The following EFHD1 variants were observed in gnomAD, a reference collection of about 807,000 sequenced individuals.
EFHD1 encodes the protein EF-hand domain family member D1.
EFHD1 carries 10 observed loss-of-function variants against 17.2 expected under a neutral mutation model. The ratio of observed to expected loss-of-function variants is 0.58; its 90% confidence interval spans 0.36 to 0.99. The LOEUF is 0.99. Ranked by LOEUF, EFHD1 falls within the 50% of genes least tolerant of loss-of-function variation. EFHD1 has a pLI of 0.01. For synonymous variants in EFHD1, 153 were observed against 142.0 expected (o/e 1.08, Z -0.55); for missense variants, 310 against 327.5 (o/e 0.95, Z 0.41).
intron 1 of EFHD1, among the ~76,000 whole-genome samples, chr2:232,661,313 G>T (rs184435457): frequency 1.4e-4 from 21 of 152,036 alleles, no homozygotes; most frequent in African/African-American, 5.1e-4. Context: ...TAACTCCCAT[G>T]CCCCTCTCTC....
At chr2:232,677,593 C>G (rs1215971298) in intron 3 of EFHD1, among the ~76,000 whole-genome samples, 4 of 151,988 alleles carry the variant, frequency 2.6e-5, no homozygotes, top group African/African-American at 9.7e-5. Flanking sequence ...TATGGCGGTG[C>G]ATGTCTGTAG....
chr2:232,659,735 T>TG (rs1253877989), intron 1 of EFHD1, among the ~76,000 whole-genome samples: 1 of 149,320 alleles, frequency 6.7e-6, no homozygotes, highest in Non-Finnish European at 1.5e-5. Context: ...AAGAAAAACC[T>TG]GAGACTAACT....
chr2:232,655,473 G>A (rs1257393213), intron 1 of EFHD1, among the ~76,000 whole-genome samples: 1 of 152,224 alleles, frequency 6.6e-6, no homozygotes, highest in Admixed American at 6.5e-5. Context: ...ATGAGTCTGT[G>A]TGCTCTGTTT....
At position 232,650,563 on chromosome 2, in the gene EFHD1, T is replaced by TGCAGGCGTGAGCCACCATGCCCAGCTGCC. The variant is rs1239884866; in HGVS notation, c.303-12239_303-12238insGCAGGCGTGAGCCACCATGCCCAGCTGCC. Among the ~76,000 whole-genome samples the TGCAGGCGTGAGCCACCATGCCCAGCTGCC allele has an allele frequency of 3.1e-3, 61 of 19,404 alleles. 14 individuals carry two copies. The highest frequency in any genetic ancestry group is 0.03 in the African/African-American group (46 of 1,556). 12.7% of individuals were successfully genotyped at this position (19,404 alleles called of 152,430 possible). ...CCCGCCTCGGCCTCCCAAAGTGCTT[T>TGCAGGCGTGAGCCACCATGCCCAGCTGCC]TTTTTTTTTTTTTTTTTTTTTTTGA... On this transcript the variant is annotated intron_variant, in intron 1 of 3. Transcript: ENST00000264059.
intron 1 of EFHD1, among the ~76,000 whole-genome samples, chr2:232,647,748 T>C (rs1253277680): frequency 6.6e-6 from 1 of 151,932 alleles, no homozygotes; most frequent in Non-Finnish European, 1.5e-5. Flanking sequence ...GTGATTCTCC[T>C]ACCTTAGCCT....
chr2:232,626,454 A>G (rs1323415423), intron 1 of EFHD1, among the ~76,000 whole-genome samples: 2 of 152,208 alleles, frequency 1.3e-5, no homozygotes, highest in Admixed American at 1.3e-4. Flanking sequence ...AAGCTGAGGC[A>G]TGAGAATTGC....
rs147136761 is a variant in EFHD1, at chr2:232,653,982, A to C, written c.303-8820A>C. ...AGCACTTTGGGAGACCGAGGCAGGC[A>C]GATCACCTGAGGTCAGGAGTTCGAG... On this transcript the variant is annotated intron_variant, in intron 1 of 3. Coordinates refer to ENST00000264059, the MANE Select transcript of EFHD1 (RefSeq NM_025202.4). 3.0e-3 allele frequency among the ~76,000 whole-genome samples: 449 copies of C among 152,180 alleles called. 4 individuals carry two copies. The East Asian group carries it at 0.036, about 12-fold the overall frequency.
intron 1 of EFHD1, among the ~76,000 whole-genome samples, chr2:232,642,949 A>G (rs1694459227): frequency 6.6e-6 from 1 of 152,192 alleles, no homozygotes; most frequent in African/African-American, 2.4e-5. Context: ...TGAATAAAGA[A>G]ATGGATCATC....
chr2:232,676,535 C>A (rs1318570250), intron 3 of EFHD1, among the ~76,000 whole-genome samples: 2 of 152,128 alleles, frequency 1.3e-5, no homozygotes, highest in East Asian at 3.9e-4. Flanking sequence ...GCTGGAATAT[C>A]ATTATCTCAG....
intron 1 of EFHD1, among the ~76,000 whole-genome samples, chr2:232,644,513 AT>A (rs201268146): frequency 3.1e-4 from 45 of 145,246 alleles, no homozygotes; most frequent in Admixed American, 1.8e-3. Context: ...TTTTTTTTCA[AT>A]TTTTTTTTTT....
chr2:232,668,845 G>A (rs1028684448), intron 2 of EFHD1, among the ~76,000 whole-genome samples: 2 of 152,020 alleles, frequency 1.3e-5, no homozygotes, highest in African/African-American at 2.4e-5. Context: ...TGTTGGTCAT[G>A]CTGGTCTCGA....
At chr2:232,666,457 G>A (rs958065120) in intron 2 of EFHD1, among the ~76,000 whole-genome samples, 3 of 152,226 alleles carry the variant, frequency 2.0e-5, no homozygotes, top group African/African-American at 7.2e-5. Flanking sequence ...GCTGTGGTGA[G>A]CTCTGGGAAC....
At chr2:232,662,433 CAG>C (rs915751308) in intron 1 of EFHD1, among the ~76,000 whole-genome samples, 4 of 152,108 alleles carry the variant, frequency 2.6e-5, no homozygotes, top group African/African-American at 9.7e-5. Flanking sequence ...TGCTGGGCGT[CAG>C]GGGCCAGCTC....
intron 2 of EFHD1, among the ~76,000 whole-genome samples, chr2:232,669,359 T>TG (rs1239381160): frequency 6.6e-6 from 1 of 152,210 alleles, no homozygotes; most frequent in Non-Finnish European, 1.5e-5. Flanking sequence ...CTGTGTCTCT[T>TG]GCTTTGTATT....
chr2:232,660,920 G>T (rs1447348429), intron 1 of EFHD1, among the ~76,000 whole-genome samples: 1 of 152,120 alleles, frequency 6.6e-6, no homozygotes, highest in East Asian at 1.9e-4. Flanking sequence ...AGAGGTCGCA[G>T]TGAGCCGAGA....
chr2:232,656,586 C>G (rs1694766534), intron 1 of EFHD1, among the ~76,000 whole-genome samples: 1 of 151,976 alleles, frequency 6.6e-6, no homozygotes, highest in Non-Finnish European at 1.5e-5. Flanking sequence ...CAGGCACATG[C>G]CACTATGCCT....
chr2:232,640,826 A>G (rs1347866293), intron 1 of EFHD1, among the ~76,000 whole-genome samples: 5 of 152,106 alleles, frequency 3.3e-5, no homozygotes, highest in African/African-American at 1.2e-4. Context: ...GCCAGGGAGG[A>G]GCAGCCACCA....
At chr2:232,634,439 G>A (rs992299579) in intron 1 of EFHD1, among the ~76,000 whole-genome samples, 3 of 152,266 alleles carry the variant, frequency 2.0e-5, no homozygotes, top group African/African-American at 7.2e-5. Flanking sequence ...TAAAACAAAA[G>A]GGGAAAGTTA....
At chr2:232,650,846 A>T (rs1209693979) in intron 1 of EFHD1, among the ~76,000 whole-genome samples, 1 of 151,830 alleles carries the variant, frequency 6.6e-6, no homozygotes, top group African/African-American at 2.4e-5. Flanking sequence ...TGGGATTACA[A>T]GTGTGAGCCA....
Sources: allele counts gnomAD v4.1 joint callset (sites outside exome capture counted in the v4.1 genomes callset), GRCh38; gene constraint gnomAD v4.1.1; transcripts MANE v1.5; gene names NCBI Gene and HGNC (gene_info 2026-07-23, HGNC 2026-07-21).